The following ACVR2B variants were observed in gnomAD, a reference collection of about 807,000 sequenced individuals.
ACVR2B encodes the protein activin receptor type-2B.
ACVR2B carries 18 observed loss-of-function variants against 65.1 expected under a neutral mutation model. The observed-to-expected ratio is 0.28, with a 90% CI of 0.19 to 0.41. The LOEUF is 0.41. Ranked by LOEUF, ACVR2B falls within the 10% of genes least tolerant of loss-of-function variation. The probability of loss-of-function intolerance (pLI) is 1.00; values close to 1 mark genes in which losing one functional copy is unlikely to be tolerated. For missense variants in ACVR2B, 482 were observed against 682.7 expected, an observed-to-expected ratio of 0.71 and a Z score of 3.28; for synonymous variants, 298 against 277.7, an observed-to-expected ratio of 1.07 and a Z score of -0.73.
chr3:38,481,378 G>T lies in ACVR2B; in HGVS notation c.987G>T (p.Leu329=), dbSNP rs1413671900. The T allele has an allele frequency of 1.2e-6, 2 of 1,614,206 alleles. No homozygotes were observed. The highest frequency in any genetic ancestry group is 1.7e-6 in the Non-Finnish European group (2 of 1,180,026). ...HRDFKSKNVL[L]KSDLTAVLAD... ...ACTTTAAAAGTAAGAATGTATTGCT[G>T]AAGAGCGACCTCACAGCCGTGCTGG... The change falls in exon 8 of 11, where the codon CTG becomes CTT. Residue 329 remains leucine, a synonymous_variant. Transcript: ENST00000352511. The surrounding 1 kb of genome is among the most constrained non-coding windows in gnomAD (Gnocchi z 4.7).
Position 38,478,637 on chromosome 3 carries a change from G to T in ACVR2B, c.666+119G>T. 4 of 1,364,176 alleles carry T rather than the reference G, an allele frequency of 2.9e-6. No homozygotes were observed. In the South Asian group the frequency reaches 5.0e-5, roughly 17 times the overall value. The allele number at this position is 1,364,176 out of a possible 1,614,324, so 84.5% of individuals were successfully genotyped here. A position where few individuals can be genotyped will look rare whatever the true frequency, so the allele number is the denominator to read the frequency against. On this transcript the variant is annotated intron_variant, in intron 5 of 10. Transcript: ENST00000352511. Reference sequence around the variant, plus strand: ...ATATTGTGGTATGAGAGAAAAGTGAGCCTTACTGGGCCTAGTTACTCATGT... The same window carrying T: ...ATATTGTGGTATGAGAGAAAAGTGATCCTTACTGGGCCTAGTTACTCATGT...
chr3:38,471,642 C>T (rs1709820124), intron 1 of ACVR2B, among the ~76,000 whole-genome samples: 1 of 152,156 alleles, frequency 6.6e-6, no homozygotes, highest in African/African-American at 2.4e-5. Context: ...AATAAATGCA[C>T]TTCAGGGCTG....
rs1392938197 is a variant in ACVR2B at position 38,492,188 on chromosome 3, A to G, written c.*8856A>G. 1.3e-5 allele frequency: 2 copies of G among 152,642 alleles called. No individual in the cohort carries two copies. The highest frequency in any genetic ancestry group is 1.9e-4 in the East Asian group (1 of 5,200). 9.5% of individuals were successfully genotyped at this position (152,642 alleles called of 1,614,324 possible). A position where few individuals can be genotyped will look rare whatever the true frequency, so the allele number is the denominator to read the frequency against. On this transcript the variant is annotated 3_prime_UTR_variant, in exon 11 of 11. Coordinates refer to ENST00000352511, the MANE Select transcript of ACVR2B (RefSeq NM_001106.4). ...TTTATTTGCCATCTTATATATATCT[A>G]TCAGTTTTACCAGCTACTTCTAAAT...
chr3:38,471,324 A>G (rs1446609310), intron 1 of ACVR2B, among the ~76,000 whole-genome samples: 1 of 152,270 alleles, frequency 6.6e-6, no homozygotes, highest in Non-Finnish European at 1.5e-5. Flanking sequence ...ACAAGTAATC[A>G]GGGAAATGCA....
intron 1 of ACVR2B, among the ~76,000 whole-genome samples, chr3:38,468,848 G>T (rs985000797): frequency 3.9e-5 from 6 of 152,138 alleles, no homozygotes; most frequent in Admixed American, 3.9e-4. Flanking sequence ...TGCAGTTTTA[G>T]TGGGACTACA....
chr3:38,468,874 G>A (rs1308673228), intron 1 of ACVR2B, among the ~76,000 whole-genome samples: 8 of 152,194 alleles, frequency 5.3e-5, no homozygotes. Context: ...GAGCAAAAAG[G>A]AAATGTTTGT....
rs759592712 is a variant in ACVR2B, at chr3:38,484,965, C to G, written c.*1633C>G. On this transcript the variant is annotated 3_prime_UTR_variant, in exon 11 of 11. Coordinates refer to ENST00000352511, the MANE Select transcript of ACVR2B (RefSeq NM_001106.4). ...TGCTACCATTTTTGTTTGATAACGC[C>G]CCCTTGTAAATAATTGTCATCAACT... is the stretch of plus-strand genomic sequence containing the variant. 1 of 152,542 alleles carries G rather than the reference C, an allele frequency of 6.6e-6. No individual in the cohort carries two copies. The highest frequency in any genetic ancestry group is 1.5e-5 in the Non-Finnish European group (1 of 68,038). 9.4% of individuals were successfully genotyped at this position (152,542 alleles called of 1,614,324 possible).
At chr3:38,478,031 A>G (rs1575587552) in intron 3 of ACVR2B, 61 bp downstream of exon 3, 4 of 1,601,684 alleles carry the variant, frequency 2.5e-6, no homozygotes, top group Non-Finnish European at 3.4e-6. Context: ...TTTGGCTTGG[A>G]GCGCTTGGCT....
At chr3:38,479,588 T>C (rs1709980448) in intron 6 of ACVR2B, 90 bp from the exon 7 acceptor site, 2 of 1,476,510 alleles carry the variant, frequency 1.4e-6, no homozygotes, top group Middle Eastern at 1.7e-4. Context: ...AGCCTAGCCA[T>C]TGGCCCACTG....
chr3:38,474,445 C>G (rs977878569), intron 1 of ACVR2B: 4 of 152,356 alleles, frequency 2.6e-5, no homozygotes, highest in Admixed American at 6.5e-5. Context: ...CTCCTTTCGA[C>G]ATGTTGCTCT....
chr3:38,477,757 T>G lies in ACVR2B; in HGVS notation c.261-104T>G. ...GTGAGTTCACACCGTCCCCCTGGTG[T>G]TGCCCATGAGGTGCTCTGTCTGTGA... On this transcript the variant is annotated intron_variant, in intron 2 of 10. Coordinates refer to ENST00000352511, the MANE Select transcript of ACVR2B (RefSeq NM_001106.4). This position sits in a 1 kb window ranked among gnomAD's most constrained non-coding sequence, Gnocchi z 6.7. 8.1e-7 allele frequency: 1 copy of G among 1,236,012 alleles called. No homozygotes were observed. 76.6% of individuals were successfully genotyped at this position (1,236,012 alleles called of 1,614,324 possible).
In ACVR2B at chr3:38,491,182, TA is replaced by T. The variant is rs1227306051; in HGVS notation, c.*7851del. On this transcript the variant is annotated 3_prime_UTR_variant, in exon 11 of 11. Transcript: ENST00000352511. ...TTGATGTATTTTAAATAAATATATA[TA>T]TTTTTTAAAGAGCCTTTTTTACCAG... 2 of 152,274 alleles carry T rather than the reference TA, an allele frequency of 1.3e-5. No homozygotes were observed. Among genetic ancestry groups the T allele is most frequent in the Non-Finnish European group, 1.5e-5 (1 of 68,030 alleles). 9.4% of individuals were successfully genotyped at this position (152,274 alleles called of 1,614,324 possible). A position where few individuals can be genotyped will look rare whatever the true frequency, so the allele number is the denominator to read the frequency against.
In ACVR2B at chr3:38,488,082, G is replaced by C. The variant is rs1710152561; in HGVS notation, c.*4750G>C. ...AGGTGTCTTTTTCTCCTTCTCACTGGGGTGACATGAATTCTTTTAGTTAAT... is the reference window on the plus strand; with the variant it reads ...AGGTGTCTTTTTCTCCTTCTCACTGCGGTGACATGAATTCTTTTAGTTAAT... On this transcript the variant is annotated 3_prime_UTR_variant, in exon 11 of 11. Coordinates refer to ENST00000352511, the MANE Select transcript of ACVR2B (RefSeq NM_001106.4). The C allele has an allele frequency of 6.6e-6, 1 of 152,140 alleles. No individual in the cohort carries two copies. 9.4% of individuals were successfully genotyped at this position (152,140 alleles called of 1,614,324 possible). A position where few individuals can be genotyped will look rare whatever the true frequency, so the allele number is the denominator to read the frequency against.
At chr3:38,457,998 T>G (rs772488202) in intron 1 of ACVR2B, among the ~76,000 whole-genome samples, 6 of 152,134 alleles carry the variant, frequency 3.9e-5, no homozygotes, top group Non-Finnish European at 8.8e-5. Flanking sequence ...GTGGGCTGCC[T>G]TTTGGGAGGA....
chr3:38,456,602 C>G (rs1029122129), intron 1 of ACVR2B, among the ~76,000 whole-genome samples: 1 of 152,202 alleles, frequency 6.6e-6, no homozygotes, highest in Middle Eastern at 3.2e-3. Context: ...AGCTCTAAGT[C>G]TGAGCCCAGG....
chr3:38,470,843 G>A (rs1252176180), intron 1 of ACVR2B, among the ~76,000 whole-genome samples: 1 of 152,098 alleles, frequency 6.6e-6, no homozygotes, highest in Non-Finnish European at 1.5e-5. Context: ...GGAATGAGAT[G>A]TATAACTTTA....
chr3:38,461,641 C>A (rs944436724), intron 1 of ACVR2B, among the ~76,000 whole-genome samples: 1 of 152,086 alleles, frequency 6.6e-6, no homozygotes, highest in Non-Finnish European at 1.5e-5. Context: ...AGGTTAGCCA[C>A]CCTGGGGTAT....
At chr3:38,470,156 A>C (rs1010089035) in intron 1 of ACVR2B, among the ~76,000 whole-genome samples, 1 of 152,210 alleles carries the variant, frequency 6.6e-6, no homozygotes, top group African/African-American at 2.4e-5. Flanking sequence ...AGAATCATAG[A>C]ATTTGGAGAT....
Position 38,457,152 on chromosome 3 carries a change from C to T in ACVR2B, c.52+2778C>T, listed in dbSNP as rs555185503. On this transcript the variant is annotated intron_variant, in intron 1 of 10. Coordinates refer to ENST00000352511, the MANE Select transcript of ACVR2B (RefSeq NM_001106.4). Reference sequence around the variant, plus strand: ...CCGGGAGGTAGAGGTTGCAGTGAGCCGAGATCATGTCACTGCACTGCAGCC... The same window carrying T: ...CCGGGAGGTAGAGGTTGCAGTGAGCTGAGATCATGTCACTGCACTGCAGCC... Among the ~76,000 whole-genome samples, 24 of 152,188 alleles carry T rather than the reference C, an allele frequency of 1.6e-4. No homozygotes were observed. The South Asian group carries it at 3.9e-3, about 25-fold the overall frequency.
Sources: gnomAD v4.1 joint callset for allele counts (sites outside exome capture counted in the v4.1 genomes callset) on GRCh38, gnomAD v4.1.1 for gene constraint, Gnocchi (gnomAD v3.1) non-coding constraint, MANE v1.5 for transcripts, NCBI Gene and HGNC (gene_info 2026-07-23, HGNC 2026-07-21) for gene names.